ARSG: variants seen among roughly 807,000 people sequenced by gnomAD.
The protein encoded by ARSG is ASG.
Under a neutral mutation model 50.5 loss-of-function variants are expected in ARSG, and 37 were observed. That is an observed-to-expected ratio of 0.73 (90% confidence interval 0.56 to 0.96). The LOEUF is 0.96. Ranked by LOEUF, ARSG falls within the 50% of genes least tolerant of loss-of-function variation. ARSG has a pLI of 0.00. For synonymous variants in ARSG, 225 were observed against 254.6 expected (o/e 0.88, Z 1.11); for missense variants, 629 against 675.3 (o/e 0.93, Z 0.76).
At chr17:68,340,203 G>A (rs936020819) in intron 2 of ARSG, among the ~76,000 whole-genome samples, 1 of 152,066 alleles carries the variant, frequency 6.6e-6, no homozygotes, top group Admixed American at 6.6e-5. Context: ...TTCTAATGGT[G>A]GTAAATGAAT....
rs782421181 is a variant in ARSG at position 68,269,673 on chromosome 17, G to GTTTTTTTTTTTTTT, written c.-552+10252_-552+10265dup. 2.8e-4 allele frequency among the ~76,000 whole-genome samples: 22 copies of GTTTTTTTTTTTTTT among 77,876 alleles called. 3 individuals are homozygous for GTTTTTTTTTTTTTT. Among genetic ancestry groups the GTTTTTTTTTTTTTT allele is most frequent in the Non-Finnish European group, 3.7e-4 (17 of 46,090 alleles). 51.1% of individuals were successfully genotyped at this position (77,876 alleles called of 152,430 possible). ...TTATTTTCACTTGAGTTCACTTTAG[G>GTTTTTTTTTTTTTT]TTTTTTTTTTTTTTTTTTAGACAGA... is the stretch of plus-strand genomic sequence containing the variant. On this transcript the variant is annotated intron_variant, in intron 1 of 11. Transcript: ENST00000448504.
chr17:68,310,008 T>C (rs1555766150), intron 2 of ARSG, among the ~76,000 whole-genome samples: 1 of 151,596 alleles, frequency 6.6e-6, no homozygotes, highest in African/African-American at 2.4e-5. Flanking sequence ...AGTTCCGCTC[T>C]TGTTGCCCAG....
chr17:68,363,975 G>T (rs1041078536), intron 6 of ARSG, among the ~76,000 whole-genome samples: 5 of 152,130 alleles, frequency 3.3e-5, no homozygotes, highest in Non-Finnish European at 7.4e-5. Flanking sequence ...AGCTGCAGGT[G>T]TTCATTTCCC....
the ARSG span, among the ~76,000 whole-genome samples, chr17:68,443,321 C>T: frequency 2.0e-5 from 3 of 152,144 alleles, no homozygotes; most frequent in Non-Finnish European, 4.4e-5. Context: ...TCATGTTGGT[C>T]AGGCTGGTCT....
chr17:68,265,117 G>A (rs186971519), intron 1 of ARSG, among the ~76,000 whole-genome samples: 2 of 147,372 alleles, frequency 1.4e-5, no homozygotes, highest in Admixed American at 1.4e-4. Context: ...TCACGCCACT[G>A]CACTCCAGCC....
At chr17:68,345,748 A>G (rs1395637212) in intron 3 of ARSG, among the ~76,000 whole-genome samples, 3 of 152,120 alleles carry the variant, frequency 2.0e-5, no homozygotes, top group African/African-American at 7.2e-5. Context: ...CTATGTTTCC[A>G]TGTCATATAA....
At chr17:68,432,551 T>C in the ARSG span, among the ~76,000 whole-genome samples, 2 of 152,088 alleles carry the variant, frequency 1.3e-5, no homozygotes, top group East Asian at 1.9e-4. Flanking sequence ...TGTGTCAGCA[T>C]TGATAAGGTG....
At chr17:68,301,186 A>G (rs1340100491) in intron 1 of ARSG, among the ~76,000 whole-genome samples, 1 of 152,086 alleles carries the variant, frequency 6.6e-6, no homozygotes, top group Admixed American at 6.5e-5. Flanking sequence ...GAGGCATTCA[A>G]AGATGTCTTG....
chr17:68,329,676 A>G (rs2077645461), intron 2 of ARSG, among the ~76,000 whole-genome samples: 1 of 152,212 alleles, frequency 6.6e-6, no homozygotes, highest in South Asian at 2.1e-4. Context: ...GACTGCAATA[A>G]GAACCCATGA....
At chr17:68,384,955 G>C in intron 8 of ARSG, 109 bp from the exon 9 acceptor site, 1 of 793,856 alleles carries the variant, frequency 1.3e-6, no homozygotes, top group Non-Finnish European at 2.1e-6. Context: ...TTCCTTTGTT[G>C]GGGTTATTGG....
chr17:68,299,271 A>C (rs1275048947), intron 1 of ARSG, among the ~76,000 whole-genome samples: 5 of 151,780 alleles, frequency 3.3e-5, no homozygotes, highest in African/African-American at 1.2e-4. Flanking sequence ...CGCCCGGCTA[A>C]TTTTTATATT....
At position 68,378,665 on chromosome 17, in the gene ARSG, A is replaced by G. The variant is rs1298547789; in HGVS notation, c.983-6399A>G. Among the ~76,000 whole-genome samples, 1 of 152,172 alleles carries G rather than the reference A, an allele frequency of 6.6e-6. No homozygotes were observed. The highest frequency in any genetic ancestry group is 1.5e-5 in the Non-Finnish European group (1 of 68,030). ...AGCCGCCTTCCCTTCTCCATGCCAG[A>G]TCTGTTTCCTACCCAGGACAGAACC... On this transcript the variant is annotated intron_variant, in intron 8 of 11. Coordinates refer to ENST00000621439, the MANE Select transcript of ARSG (RefSeq NM_001267727.2). This position sits in a 1 kb window ranked among gnomAD's most constrained non-coding sequence, Gnocchi z 4.4.
At chr17:68,380,154 A>G (rs10438689) in intron 8 of ARSG, among the ~76,000 whole-genome samples, 52,922 of 151,600 alleles carry the variant, frequency 0.35, 9,221 homozygotes, top group East Asian at 0.41. Context: ...TAGAAAATAT[A>G]TTTTGTCTTT....
chr17:68,356,679 A>T lies in ARSG; in HGVS notation c.579A>T (p.Arg193Ser), dbSNP rs768720332. Residue 193 changes from arginine (R) to serine (S), a missense_variant, in exon 6 of 12, where the codon AGA becomes AGT. Arg to Ser is a moderately radical substitution (Grantham distance 110, BLOSUM62 -1). Transcript: ENST00000621439. ...QGDGPSRNLQRDCYTDVALPL... is the reference protein window; with the variant it reads ...QGDGPSRNLQSDCYTDVALPL... ...GGTTTCCACACAGGAACCTTCAAAGAGACTGTTACACTGACGTGGCCCTCC... is the reference window on the plus strand; with the variant it reads ...GGTTTCCACACAGGAACCTTCAAAGTGACTGTTACACTGACGTGGCCCTCC... 2 of 1,614,108 alleles carry T rather than the reference A, an allele frequency of 1.2e-6. No homozygotes were observed. The highest frequency in any genetic ancestry group is 2.7e-5 in the African/African-American group (2 of 74,940).
chr17:68,391,529 A>T (rs1419655777), intron 9 of ARSG, among the ~76,000 whole-genome samples: 1 of 152,164 alleles, frequency 6.6e-6, no homozygotes, highest in African/African-American at 2.4e-5. Flanking sequence ...AGTGGGGGGA[A>T]ATCAGATGGA....
At chr17:68,434,045 C>T in the ARSG span, among the ~76,000 whole-genome samples, 8 of 151,986 alleles carry the variant, frequency 5.3e-5, no homozygotes, top group African/African-American at 1.9e-4. Context: ...GCTGGGATTA[C>T]AGACGTGAGC....
chr17:68,320,242 A>C (rs1191058728), intron 2 of ARSG, among the ~76,000 whole-genome samples: 1 of 151,198 alleles, frequency 6.6e-6, no homozygotes, highest in Non-Finnish European at 1.5e-5. Context: ...GTGAGCCGAG[A>C]TCGTGCCACT....
At chr17:68,348,643 C>T (rs889116334) in intron 4 of ARSG, among the ~76,000 whole-genome samples, 2 of 152,228 alleles carry the variant, frequency 1.3e-5, no homozygotes, top group African/African-American at 2.4e-5. Flanking sequence ...CTGCAACCTC[C>T]GCCTCCCAGG....
At chr17:68,385,723 A>G (rs1057348198) in intron 9 of ARSG, among the ~76,000 whole-genome samples, 2 of 152,170 alleles carry the variant, frequency 1.3e-5, no homozygotes, top group Non-Finnish European at 1.5e-5. Context: ...AAAAGGCGGC[A>G]GCAGCAGCAT....
Sources: allele counts gnomAD v4.1 joint callset (sites outside exome capture counted in the v4.1 genomes callset), GRCh38; gene constraint gnomAD v4.1.1; non-coding constraint Gnocchi (gnomAD v3.1); transcripts MANE v1.5; gene names NCBI Gene and HGNC (gene_info 2026-07-23, HGNC 2026-07-21).